Variants in MGMT observed in about 807,000 individuals in gnomAD.
MGMT encodes methylated-DNA--protein-cysteine methyltransferase.
Under a neutral mutation model 15.9 loss-of-function variants are expected in MGMT, and 14 were observed. The observed-to-expected ratio is 0.88, with a 90% CI of 0.58 to 1.37. MGMT has a LOEUF of 1.37. Among genes scored for constraint, MGMT ranks in the 40% most tolerant of loss-of-function variants. The probability of loss-of-function intolerance (pLI) is 0.00; values close to 1 mark genes in which losing one functional copy is unlikely to be tolerated. For missense variants in MGMT, 282 were observed against 268.1 expected (o/e 1.05, Z -0.36); for synonymous variants, 130 against 118.2 (o/e 1.10, Z -0.65).
intron 2 of MGMT, among the ~76,000 whole-genome samples, chr10:129,557,824 C>T (rs552123364): frequency 6.6e-6 from 1 of 152,252 alleles, no homozygotes; most frequent in South Asian, 2.1e-4. Flanking sequence ...TTGTAGTCAA[C>T]TTTTTGAACT....
chr10:129,663,606 G>T (rs1847625315), intron 2 of MGMT, among the ~76,000 whole-genome samples: 1 of 152,030 alleles, frequency 6.6e-6, no homozygotes, highest in African/African-American at 2.4e-5. Flanking sequence ...GGAAAAAAAT[G>T]GGGAAACACA....
intron 3 of MGMT, among the ~76,000 whole-genome samples, chr10:129,719,248 C>A (rs1848339291): frequency 6.6e-6 from 1 of 152,160 alleles, no homozygotes; most frequent in Admixed American, 6.5e-5. Context: ...ACGTCACCTT[C>A]CCAGGCTGTC....
intron 3 of MGMT, among the ~76,000 whole-genome samples, chr10:129,724,198 ACTT>A (rs1848406881): frequency 6.6e-6 from 1 of 152,188 alleles, no homozygotes; most frequent in Admixed American, 6.5e-5. Flanking sequence ...CTATCTGTGA[ACTT>A]AGCATTGAAA....
At chr10:129,734,390 T>C (rs1848536613) in intron 3 of MGMT, among the ~76,000 whole-genome samples, 1 of 147,932 alleles carries the variant, frequency 6.8e-6, no homozygotes, top group African/African-American at 2.4e-5. Context: ...AGAATGCTTG[T>C]GATTTTTGTA....
At chr10:129,762,308 G>A (rs1470184507) in intron 4 of MGMT, among the ~76,000 whole-genome samples, 1 of 152,230 alleles carries the variant, frequency 6.6e-6, no homozygotes, top group African/African-American at 2.4e-5. Flanking sequence ...AGCTCATTGT[G>A]CATTAATTCC....
intron 2 of MGMT, among the ~76,000 whole-genome samples, chr10:129,634,572 A>G (rs1467221611): frequency 6.6e-6 from 1 of 151,960 alleles, no homozygotes; most frequent in Non-Finnish European, 1.5e-5. Context: ...TTCTATAGGA[A>G]TATATTCAAG....
intron 1 of MGMT, among the ~76,000 whole-genome samples, chr10:129,497,840 G>T (rs926837884): frequency 1.3e-5 from 2 of 152,214 alleles, no homozygotes; most frequent in African/African-American, 4.8e-5. Context: ...TGAGGACGCG[G>T]CGAGAAGGTG....
At chr10:129,572,750 CTG>C (rs1382644885) in intron 2 of MGMT, among the ~76,000 whole-genome samples, 11 of 152,200 alleles carry the variant, frequency 7.2e-5, no homozygotes, top group Non-Finnish European at 1.5e-5. Flanking sequence ...GGGATAGAGA[CTG>C]TGCCATTAAG....
At chr10:129,741,045 C>G (rs1485801504) in intron 3 of MGMT, among the ~76,000 whole-genome samples, 1 of 152,180 alleles carries the variant, frequency 6.6e-6, no homozygotes, top group Non-Finnish European at 1.5e-5. Flanking sequence ...GTACAGCTTT[C>G]CACGCTTATT....
At chr10:129,584,877 A>G (rs1374830673) in intron 2 of MGMT, among the ~76,000 whole-genome samples, 1 of 152,176 alleles carries the variant, frequency 6.6e-6, no homozygotes, top group Non-Finnish European at 1.5e-5. Flanking sequence ...TTGTTGATCT[A>G]TACATCAGTT....
At chr10:129,479,901 A>C (rs1845338644) in intron 1 of MGMT, among the ~76,000 whole-genome samples, 2 of 152,208 alleles carry the variant, frequency 1.3e-5, no homozygotes, top group South Asian at 4.1e-4. Flanking sequence ...GGGATCCCAA[A>C]GAGATTACCT....
intron 3 of MGMT, among the ~76,000 whole-genome samples, chr10:129,713,278 T>C (rs951657947): frequency 6.6e-6 from 1 of 152,196 alleles, no homozygotes; most frequent in African/African-American, 2.4e-5. Flanking sequence ...TTGTAAACCT[T>C]CTTCCGATGC....
At chr10:129,496,889 C>G (rs1043646625) in intron 1 of MGMT, among the ~76,000 whole-genome samples, 3 of 152,062 alleles carry the variant, frequency 2.0e-5, no homozygotes, top group South Asian at 4.1e-4. Flanking sequence ...GATGGGGTCT[C>G]TCTACATTGC....
chr10:129,727,707 A>C, intron 3 of MGMT, among the ~76,000 whole-genome samples: 1 of 152,086 alleles, frequency 6.6e-6, no homozygotes, highest in East Asian at 1.9e-4. Context: ...ATGCTGTAGG[A>C]GATGCAAAGG....
Position 129,749,604 on chromosome 10 carries a change from G to A in MGMT, c.275-9598G>A, listed in dbSNP as rs1292903920. On this transcript the variant is annotated intron_variant, in intron 3 of 4. Transcript: ENST00000651593. Reference sequence around the variant, plus strand: ...AACATTCACAGGCAGGTTTTTGTGAGGATGTCAGTTTTCAAATCAGTAGAG... The same window carrying A: ...AACATTCACAGGCAGGTTTTTGTGAAGATGTCAGTTTTCAAATCAGTAGAG... Among the ~76,000 whole-genome samples the A allele has an allele frequency of 2.6e-5, 4 of 152,144 alleles. No individual in the cohort carries two copies. In the East Asian group the frequency reaches 7.7e-4, roughly 29 times the overall value.
chr10:129,757,145 T>C lies in MGMT; in HGVS notation c.275-2057T>C, dbSNP rs116838854. Among the ~76,000 whole-genome samples, 1,400 of 152,374 alleles carry C rather than the reference T, an allele frequency of 9.2e-3. 19 individuals are homozygous for C. The highest frequency in any genetic ancestry group is 0.031 in the African/African-American group (1,293 of 41,590). ...GAGCTATACTTCCTCATATGTTGCCTGGTACGGACCAGTTAAGAAATGGTT... is the reference window on the plus strand; with the variant it reads ...GAGCTATACTTCCTCATATGTTGCCCGGTACGGACCAGTTAAGAAATGGTT... On this transcript the variant is annotated intron_variant, in intron 3 of 4. Coordinates refer to ENST00000651593, the MANE Select transcript of MGMT (RefSeq NM_002412.5).
chr10:129,738,820 C>T (rs150997752), intron 3 of MGMT, among the ~76,000 whole-genome samples: 4 of 152,154 alleles, frequency 2.6e-5, no homozygotes, highest in Admixed American at 1.3e-4. Flanking sequence ...CAGCATCATC[C>T]TAATACCAAA....
intron 1 of MGMT, among the ~76,000 whole-genome samples, chr10:129,482,049 TTC>T (rs1305470982): frequency 6.6e-6 from 1 of 152,208 alleles, no homozygotes; most frequent in Non-Finnish European, 1.5e-5. Flanking sequence ...ATGCTAAAAA[TTC>T]TCTCTAAGCA....
chr10:129,501,491 G>C (rs1392344728), intron 1 of MGMT, among the ~76,000 whole-genome samples: 1 of 152,222 alleles, frequency 6.6e-6, no homozygotes, highest in African/African-American at 2.4e-5. Context: ...CAGAGTCACA[G>C]AGATTTGTAA....
Sources: allele counts gnomAD v4.1 joint callset (sites outside exome capture counted in the v4.1 genomes callset), GRCh38; gene constraint gnomAD v4.1.1; transcripts MANE v1.5; gene names NCBI Gene and HGNC (gene_info 2026-07-23, HGNC 2026-07-21).